RCOR3: variants seen among roughly 807,000 people sequenced by gnomAD.
RCOR3 encodes the protein REST corepressor 3.
In RCOR3, 13 loss-of-function variants were observed where a neutral mutation model predicts 64.1. The ratio of observed to expected loss-of-function variants is 0.20; its 90% confidence interval spans 0.13 to 0.32. The LOEUF is 0.32. Ranked by LOEUF, RCOR3 falls within the 10% of genes least tolerant of loss-of-function variation. The pLI, the probability that RCOR3 is intolerant of heterozygous loss-of-function variation, is 1.00. For synonymous variants in RCOR3, 215 were observed against 239.0 expected (o/e 0.90, Z 0.93); for missense variants, 489 against 701.2 (o/e 0.70, Z 3.42).
At chr1:211,304,332 G>A (rs1193650209) in intron 10 of RCOR3, among the ~76,000 whole-genome samples, 192 bp downstream of exon 10, 1 of 152,128 alleles carries the variant, frequency 6.6e-6, no homozygotes, top group Non-Finnish European at 1.5e-5. Context: ...TGCATTTTGA[G>A]TCCTGAACAG....
chr1:211,283,736 T>G (rs1698138337), intron 7 of RCOR3, among the ~76,000 whole-genome samples: 1 of 152,032 alleles, frequency 6.6e-6, no homozygotes, highest in African/African-American at 2.4e-5. Flanking sequence ...CTCAAACTTC[T>G]GGGCTCAAAT....
chr1:211,277,968 C>T (rs1172898364), intron 5 of RCOR3, 149 bp from the exon 6 acceptor site: 10 of 640,278 alleles, frequency 1.6e-5, no homozygotes, highest in African/African-American at 9.4e-5. Context: ...GGGATACTGA[C>T]TGTAGTAGTA....
chr1:211,270,210 G>A (rs767323010), intron 2 of RCOR3, among the ~76,000 whole-genome samples: 7 of 151,624 alleles, frequency 4.6e-5, no homozygotes, highest in Non-Finnish European at 7.4e-5. Context: ...TTACAGGTGC[G>A]CGCCACCACA....
intron 6 of RCOR3, 143 bp downstream of exon 6, chr1:211,278,384 C>A: frequency 2.1e-6 from 2 of 943,420 alleles, no homozygotes; most frequent in Non-Finnish European, 3.1e-6. Flanking sequence ...CAAGAAGAGC[C>A]AAGTGGTTAG....
At chr1:211,300,319 C>T (rs1700249810) in intron 9 of RCOR3, among the ~76,000 whole-genome samples, 2 of 152,102 alleles carry the variant, frequency 1.3e-5, no homozygotes, top group African/African-American at 4.8e-5. Flanking sequence ...ATCCACCTGC[C>T]TCGGCCTCCC....
chr1:211,298,575 A>G (rs375007540), intron 9 of RCOR3, among the ~76,000 whole-genome samples: 4 of 152,344 alleles, frequency 2.6e-5, no homozygotes, highest in African/African-American at 7.2e-5. Context: ...CTCAAAAAGC[A>G]TATTGTCTAC....
In RCOR3 at chr1:211,312,538, A is replaced by C. The variant is rs1266690123; in HGVS notation, c.1076-182A>C. 1.5e-6 allele frequency: 1 copy of C among 652,000 alleles called. No individual in the cohort carries two copies. Among genetic ancestry groups the C allele is most frequent in the African/African-American group, 1.8e-5 (1 of 55,668 alleles). The allele number at this position is 652,000 out of a possible 1,614,324, so 40.4% of individuals were successfully genotyped here. On this transcript the variant is annotated intron_variant, in intron 10 of 11. Coordinates refer to ENST00000419091, the MANE Select transcript of RCOR3 (RefSeq NM_001136223.3). This position sits in a 1 kb window ranked among gnomAD's most constrained non-coding sequence, Gnocchi z 5.0. ...GGCAAGTGGCTGGCTCGATGAAATG[A>C]CATAACTGATAGTTTTCATCTGTGA...
Position 211,259,366 on chromosome 1 carries a change from G to C in RCOR3, c.-195G>C. 3.8e-6 allele frequency: 2 copies of C among 529,300 alleles called. No homozygotes were observed. The highest frequency in any genetic ancestry group is 6.6e-6 in the Non-Finnish European group (2 of 303,630). The allele number at this position is 529,300 out of a possible 1,614,324, so 32.8% of individuals were successfully genotyped here. ...GGGGAGAGAGGCGGGGCCGGGGCGG[G>C]TTGTTGTGAGGCGACTGCGCTACTG... On this transcript the variant is annotated 5_prime_UTR_variant, in exon 1 of 12. Coordinates refer to ENST00000419091, the MANE Select transcript of RCOR3 (RefSeq NM_001136223.3).
chr1:211,270,561 T>C (rs1571818524), intron 2 of RCOR3, among the ~76,000 whole-genome samples: 1 of 128,282 alleles, frequency 7.8e-6, no homozygotes, highest in Non-Finnish European at 1.7e-5. Flanking sequence ...AAAAAAAAAA[T>C]ACCTGAGGCA....
chr1:211,285,883 GTTTTATCTTGCTGCTGAATTGAGCC>G (rs1401200882), intron 7 of RCOR3, among the ~76,000 whole-genome samples: 1 of 152,164 alleles, frequency 6.6e-6, no homozygotes, highest in Non-Finnish European at 1.5e-5. Context: ...CATACAAATT[GTTTTATCTTGCTGCTGAATTGAGCC>G]TTTTATCAAT....
In RCOR3 at chr1:211,279,273, G is replaced by C; in HGVS notation, c.677G>C (p.Gly226Ala). The C allele has an allele frequency of 6.2e-7, 1 of 1,611,954 alleles. No homozygotes were observed. Among genetic ancestry groups the C allele is most frequent in the South Asian group, 1.1e-5 (1 of 90,790 alleles). The change falls in exon 7 of 12, where the codon GGG becomes GCG. Residue 226 changes from glycine to alanine, a missense_variant. Coordinates refer to ENST00000419091, the MANE Select transcript of RCOR3 (RefSeq NM_001136223.3). ...GTAGAAGAAACACATCCAATGGATG[G>C]GAATGATAGTGATTATGATCCCAAA... ...DDVEETHPMD[G>A]NDSDYDPKKE...
At chr1:211,286,416 T>G (rs1380546105) in intron 7 of RCOR3, among the ~76,000 whole-genome samples, 1 of 151,894 alleles carries the variant, frequency 6.6e-6, no homozygotes, top group East Asian at 1.9e-4. Context: ...CAAGTGATTC[T>G]CCTGCCTCAG....
chr1:211,309,224 G>T (rs1701252835), intron 10 of RCOR3, among the ~76,000 whole-genome samples: 1 of 151,736 alleles, frequency 6.6e-6, no homozygotes, highest in Non-Finnish European at 1.5e-5. Flanking sequence ...CACTAATTCA[G>T]AATGTCTGAT....
intron 3 of RCOR3, among the ~76,000 whole-genome samples, chr1:211,272,430 CAG>C (rs1319997718): frequency 6.6e-6 from 1 of 151,982 alleles, no homozygotes; most frequent in Non-Finnish European, 1.5e-5. Context: ...AAAATTCAGC[CAG>C]AGTGTGCTGG....
intron 9 of RCOR3, among the ~76,000 whole-genome samples, chr1:211,296,882 GCAAA>G (rs561018237): frequency 1.2e-3 from 178 of 152,016 alleles, no homozygotes; most frequent in Non-Finnish European, 2.0e-3. Flanking sequence ...ATGCATGAAA[GCAAA>G]CAATTTTAAC....
Position 211,304,981 on chromosome 1 carries a change from T to C in RCOR3, c.1075+841T>C, listed in dbSNP as rs148120106. The stretch of plus-strand genomic sequence containing the variant: ...TGTTGAGTGCTAATAGCTTTTTTTT[T>C]TAATCTAGGTTAACTACTGTGAGAT... On this transcript the variant is annotated intron_variant, in intron 10 of 11. Transcript: ENST00000419091. Among the ~76,000 whole-genome samples, 465 of 152,302 alleles carry C rather than the reference T, an allele frequency of 3.1e-3. 4 individuals are homozygous for C. The highest frequency in any genetic ancestry group is 0.01 in the African/African-American group (435 of 41,550).
At chr1:211,277,416 A>T (rs1048851754) in intron 5 of RCOR3, among the ~76,000 whole-genome samples, 3 of 152,134 alleles carry the variant, frequency 2.0e-5, no homozygotes, top group Non-Finnish European at 4.4e-5. Context: ...TCATTTTAAT[A>T]CTCAGAGACT....
chr1:211,262,802 G>A (rs757214591), intron 2 of RCOR3, among the ~76,000 whole-genome samples: 37 of 143,914 alleles, frequency 2.6e-4, no homozygotes, highest in Admixed American at 6.2e-4. Flanking sequence ...TAATATTAAT[G>A]TGATTTTGCA....
chr1:211,294,790 C>G (rs1363494138), intron 8 of RCOR3, among the ~76,000 whole-genome samples: 1 of 151,966 alleles, frequency 6.6e-6, no homozygotes, highest in Non-Finnish European at 1.5e-5. Flanking sequence ...GGGGTTTCAC[C>G]ATGTTAGCCA....
Sources: gnomAD v4.1 joint callset for allele counts (sites outside exome capture counted in the v4.1 genomes callset) on GRCh38, gnomAD v4.1.1 for gene constraint, Gnocchi (gnomAD v3.1) non-coding constraint, MANE v1.5 for transcripts, NCBI Gene and HGNC (gene_info 2026-07-23, HGNC 2026-07-21) for gene names.